SNX29: variants seen among roughly 807,000 people sequenced by gnomAD.
The protein encoded by SNX29 is sorting nexin-29.
SNX29 carries 78 observed loss-of-function variants against 102.1 expected under a neutral mutation model. The ratio of observed to expected loss-of-function variants is 0.76; its 90% CI spans 0.64 to 0.92. SNX29 has a LOEUF of 0.92. Among genes scored for constraint, SNX29 ranks in the 40% least tolerant of loss-of-function variants. The pLI is 0.00. For synonymous variants in SNX29, 580 were observed against 414.5 expected (o/e 1.40, Z -4.85); for missense variants, 1,280 against 1,061.7 (o/e 1.21, Z -2.86).
intron 11 of SNX29, chr16:12,087,818 C>T (rs1047591569): frequency 2.2e-6 from 1 of 456,490 alleles, no homozygotes; most frequent in Non-Finnish European, 4.4e-6. Flanking sequence ...CCAGCTGTAT[C>T]CTCTTTCCCT....
At chr16:12,046,500 A>C in intron 6 of SNX29, 46 bp downstream of exon 6, 1 of 1,594,786 alleles carries the variant, frequency 6.3e-7, no homozygotes, top group Non-Finnish European at 8.6e-7. Flanking sequence ...GACACTTGGC[A>C]GAGGGGCTGC....
chr16:12,184,473 G>A (rs1311075882), intron 13 of SNX29, among the ~76,000 whole-genome samples: 1 of 152,208 alleles, frequency 6.6e-6, no homozygotes, highest in Non-Finnish European at 1.5e-5. Context: ...TAAAGGTTCA[G>A]ATCTCCTAGA....
Position 12,323,438 on chromosome 16 carries a change from A to T in SNX29, c.1783-32725A>T, listed in dbSNP as rs546464430. Among the ~76,000 whole-genome samples the T allele has an allele frequency of 6.2e-4, 94 of 152,282 alleles. 1 individual carries two copies. Among genetic ancestry groups the T allele is most frequent in the Non-Finnish European group, 1.2e-3 (79 of 68,026 alleles). On this transcript the variant is annotated intron_variant, in intron 15 of 20. Coordinates refer to ENST00000566228, the MANE Select transcript of SNX29 (RefSeq NM_032167.5). ...GAGCATCATTTGCCATCAATAGAAA[A>T]ATAACTTCAAAAGTACCATGATGAA...
At chr16:11,985,100 C>A (rs398700) in intron 1 of SNX29, among the ~76,000 whole-genome samples, 114,063 of 150,758 alleles carry the variant, frequency 0.76, 44,010 homozygotes, top group Non-Finnish European at 0.84. Context: ...CTTTTGATTC[C>A]TTTTTTTTTT....
chr16:12,139,694 T>A (rs1012309063), intron 13 of SNX29, among the ~76,000 whole-genome samples: 9 of 152,062 alleles, frequency 5.9e-5, no homozygotes, highest in Non-Finnish European at 1.2e-4. Flanking sequence ...ATTGAAATCT[T>A]ACCATATAGA....
rs143005761 is a variant in SNX29, at chr16:12,271,307, C to T, written c.1679-6626C>T. Among the ~76,000 whole-genome samples, 8 of 152,334 alleles carry T rather than the reference C, an allele frequency of 5.3e-5. No individual in the cohort carries two copies. In the East Asian group the frequency reaches 1.5e-3, roughly 29 times the overall value. ...CTCCACTGGAGGAGTGTGCACTGCCCTCATGTGGCTCATGGGGGCTGTTGG... is the reference window on the plus strand; with the variant it reads ...CTCCACTGGAGGAGTGTGCACTGCCTTCATGTGGCTCATGGGGGCTGTTGG... On this transcript the variant is annotated intron_variant, in intron 14 of 20. Coordinates refer to ENST00000566228, the MANE Select transcript of SNX29 (RefSeq NM_032167.5).
intron 20 of SNX29, among the ~76,000 whole-genome samples, chr16:12,537,425 A>G (rs931701584): frequency 6.6e-6 from 1 of 152,254 alleles, no homozygotes; most frequent in Admixed American, 6.5e-5. Flanking sequence ...TTCCAGCTCA[A>G]CTACATAGCA....
chr16:12,467,615 C>CGTTT (rs1567594027), intron 18 of SNX29, among the ~76,000 whole-genome samples: 2 of 140,046 alleles, frequency 1.4e-5, no homozygotes, highest in East Asian at 2.0e-4. Flanking sequence ...TTCGTTTGTT[C>CGTTT]GTTCGTTAGT....
intron 20 of SNX29, among the ~76,000 whole-genome samples, chr16:12,565,806 C>A (rs775599700): frequency 6.6e-6 from 1 of 152,212 alleles, no homozygotes. Flanking sequence ...ACACAGCAAC[C>A]CTCAGCTCAC....
chr16:12,288,437 C>G (rs531886183), intron 15 of SNX29, among the ~76,000 whole-genome samples: 2 of 152,178 alleles, frequency 1.3e-5, no homozygotes, highest in Admixed American at 1.3e-4. Context: ...AGCTGCCACC[C>G]TCTGTTTGCG....
intron 14 of SNX29, among the ~76,000 whole-genome samples, chr16:12,251,400 C>T (rs2078417922): frequency 1.3e-5 from 2 of 152,130 alleles, no homozygotes; most frequent in Non-Finnish European, 2.9e-5. Context: ...GATGCACAAG[C>T]CAGCAATATA....
At chr16:12,287,793 A>G (rs985294082) in intron 15 of SNX29, among the ~76,000 whole-genome samples, 23 of 152,232 alleles carry the variant, frequency 1.5e-4, no homozygotes, top group African/African-American at 5.5e-4. Flanking sequence ...TTTAATCCAT[A>G]TGTTCTGTCA....
intron 18 of SNX29, among the ~76,000 whole-genome samples, chr16:12,476,419 T>TATATATATATATATATATAC (rs2087637555): frequency 2.4e-5 from 1 of 41,202 alleles, no homozygotes. Flanking sequence ...TATACATATA[T>TATATATATATATATATATAC]ATATATATAT....
intron 14 of SNX29, among the ~76,000 whole-genome samples, chr16:12,238,044 G>T (rs947578753): frequency 1.2e-4 from 18 of 152,342 alleles, no homozygotes; most frequent in African/African-American, 4.1e-4. Context: ...GGGTGTGGGG[G>T]TTGAGGTTGG....
chr16:12,547,638 G>T (rs72773347), intron 20 of SNX29, among the ~76,000 whole-genome samples: 2 of 152,078 alleles, frequency 1.3e-5, no homozygotes, highest in African/African-American at 4.8e-5. Context: ...CCATGGGATG[G>T]AGATATGATT....
At position 12,407,678 on chromosome 16, in the gene SNX29, C is replaced by A. The variant is rs78413407; in HGVS notation, c.2037+4149C>A. Among the ~76,000 whole-genome samples the A allele has an allele frequency of 5.9e-3, 896 of 152,218 alleles. 10 individuals are homozygous for A. The highest frequency in any genetic ancestry group is 0.02 in the African/African-American group (842 of 41,538). On this transcript the variant is annotated intron_variant, in intron 18 of 20. Transcript: ENST00000566228. Reference sequence around the variant, plus strand: ...TCCTGTGGGGTAAGAAACTCTTACCCCATTTTATAGGTGAAGAATCAAAGG... The same window carrying A: ...TCCTGTGGGGTAAGAAACTCTTACCACATTTTATAGGTGAAGAATCAAAGG...
chr16:12,353,867 G>T (rs1191817304), intron 15 of SNX29, among the ~76,000 whole-genome samples: 1 of 152,208 alleles, frequency 6.6e-6, no homozygotes, highest in Non-Finnish European at 1.5e-5. Context: ...AACATTAGAT[G>T]TTACTTTGGG....
intron 13 of SNX29, among the ~76,000 whole-genome samples, chr16:12,190,717 T>G (rs1052774620): frequency 3.3e-5 from 5 of 151,956 alleles, no homozygotes; most frequent in African/African-American, 1.2e-4. Context: ...GAGGCTGTAT[T>G]AGGTGGATGT....
chr16:12,212,454 T>C (rs1249176331), intron 14 of SNX29, among the ~76,000 whole-genome samples: 1 of 152,034 alleles, frequency 6.6e-6, no homozygotes, highest in African/African-American at 2.4e-5. Context: ...GAAGTGTTAA[T>C]AGAACTGGAG....
Sources: allele counts gnomAD v4.1 joint callset (sites outside exome capture counted in the v4.1 genomes callset), GRCh38; gene constraint gnomAD v4.1.1; transcripts MANE v1.5; gene names NCBI Gene and HGNC (gene_info 2026-07-23, HGNC 2026-07-21).